Variants in CLEC12A observed in about 807,000 individuals in gnomAD.
CLEC12A encodes C-type lectin domain family 12 member A, also known as C-type lectin protein CLL-1.
A neutral mutation model predicts 26.5 loss-of-function variants in CLEC12A; 22 were observed. That is an observed-to-expected ratio of 0.83 (90% confidence interval 0.59 to 1.19). The LOEUF (loss-of-function observed/expected upper bound fraction) is 1.19, where lower values mean the gene tolerates loss of function less well. Among genes scored for constraint, CLEC12A ranks in the 50% most tolerant of loss-of-function variants. The pLI is 0.00. For synonymous variants in CLEC12A, 119 were observed against 101.9 expected, an observed-to-expected ratio of 1.17 and a Z score of -1.01; for missense variants, 353 against 315.6, an observed-to-expected ratio of 1.12 and a Z score of -0.90.
At chr12:9,962,781 C>G (rs370780568) in intron 1 of CLEC12A, among the ~76,000 whole-genome samples, 2 of 152,156 alleles carry the variant, frequency 1.3e-5, no homozygotes, top group East Asian at 3.8e-4. Flanking sequence ...AACCGGCCAT[C>G]TGGATGTGTA....
At chr12:9,979,116 T>C (rs747608359) in intron 2 of CLEC12A, 52 bp downstream of exon 2, 3 of 1,436,002 alleles carry the variant, frequency 2.1e-6, no homozygotes, top group Non-Finnish European at 2.9e-6. Flanking sequence ...ATTTCAAATA[T>C]TTAGCAACAA....
intron 1 of CLEC12A, among the ~76,000 whole-genome samples, chr12:9,977,669 C>T (rs117801423): frequency 1.2e-3 from 187 of 152,238 alleles, no homozygotes; most frequent in African/African-American, 2.7e-3. Context: ...TGCACAACAT[C>T]GCCAAATTTG....
chr12:9,998,073 T>G (rs1221833664), downstream of CLEC12A, among the ~76,000 whole-genome samples: 1 of 152,150 alleles, frequency 6.6e-6, no homozygotes, highest in Non-Finnish European at 1.5e-5. Flanking sequence ...AAAATAACTT[T>G]TCATTAGTTA....
chr12:9,997,826 C>T (rs1170514169), downstream of CLEC12A, among the ~76,000 whole-genome samples: 1 of 151,954 alleles, frequency 6.6e-6, no homozygotes, highest in African/African-American at 2.4e-5. Context: ...ATGAGAATTA[C>T]AGAAAGAAGA....
chr12:10,004,241 C>G, the CLEC12A span, among the ~76,000 whole-genome samples: 327 of 152,342 alleles, frequency 2.1e-3, 1 homozygote, highest in African/African-American at 7.7e-3. Flanking sequence ...TGTTAACCAG[C>G]TCAGTGCCTC....
chr12:9,962,292 T>C (rs1391530897), intron 1 of CLEC12A, among the ~76,000 whole-genome samples: 2 of 151,694 alleles, frequency 1.3e-5, no homozygotes, highest in Non-Finnish European at 1.5e-5. Context: ...TGTGTGTTTC[T>C]TTTTGGTACC....
At chr12:9,971,118 T>C (rs1230649214), upstream of CLEC12A, among the ~76,000 whole-genome samples, 1 of 152,094 alleles carries the variant, frequency 6.6e-6, no homozygotes, top group African/African-American at 2.4e-5. Context: ...GGAATATCTA[T>C]GCCAGGCCAC....
At chr12:10,001,966 G>A in the CLEC12A span, among the ~76,000 whole-genome samples, 9,747 of 146,288 alleles carry the variant, frequency 0.067, 384 homozygotes, top group Middle Eastern at 0.096. Context: ...TGCAAGCTCC[G>A]CCTCCTGGGT....
chr12:9,995,722 G>A, downstream of CLEC12A: 1 of 204,822 alleles, frequency 4.9e-6, no homozygotes, highest in Non-Finnish European at 1.0e-5. Context: ...ATTGGATAAA[G>A]GCATTTATGA....
chr12:9,995,813 C>G (rs1387688105), downstream of CLEC12A: 1 of 184,356 alleles, frequency 5.4e-6, no homozygotes, highest in Non-Finnish European at 1.1e-5. Context: ...TTATCACTAT[C>G]TACTAAACTA....
At chr12:9,962,866 A>G (rs1304389366) in intron 1 of CLEC12A, among the ~76,000 whole-genome samples, 3 of 152,202 alleles carry the variant, frequency 2.0e-5, no homozygotes, top group Non-Finnish European at 4.4e-5. Context: ...TATATTAATA[A>G]GAAAATAAAA....
chr12:9,972,633 C>G (rs908145170), intron 1 of CLEC12A, among the ~76,000 whole-genome samples: 2 of 152,186 alleles, frequency 1.3e-5, no homozygotes, highest in Non-Finnish European at 2.9e-5. Context: ...GTTGTCCTCT[C>G]TCCTCTCCCC....
At position 9,984,859 on chromosome 12, in the gene CLEC12A, T is replaced by G; in HGVS notation, c.642-11T>G. The G allele has an allele frequency of 6.8e-7, 1 of 1,463,040 alleles. No individual in the cohort carries two copies. The highest frequency in any genetic ancestry group is 1.6e-5 in the South Asian group (1 of 64,276). 90.6% of individuals were successfully genotyped at this position (1,463,040 alleles called of 1,614,324 possible). Reference sequence around the variant, plus strand: ...GACTTGCCAAGTGTAATTCTTTACTTTCTCTTTCAGGGTTATAAGAAACGC... The same window carrying G: ...GACTTGCCAAGTGTAATTCTTTACTGTCTCTTTCAGGGTTATAAGAAACGC... On this transcript the variant is annotated splice_polypyrimidine_tract_variant and intron_variant, in intron 5 of 5. Coordinates refer to ENST00000304361, the MANE Select transcript of CLEC12A (RefSeq NM_138337.6).
downstream of CLEC12A, among the ~76,000 whole-genome samples, chr12:9,987,351 A>G (rs935899323): frequency 6.6e-6 from 1 of 152,162 alleles, no homozygotes; most frequent in African/African-American, 2.4e-5. Flanking sequence ...TTAAAATTCC[A>G]TAGCAAGGCA....
chr12:9,953,040 G>C, intron 1 of CLEC12A: 1 of 139,138 alleles, frequency 7.2e-6, no homozygotes, highest in African/African-American at 3.0e-5. Flanking sequence ...TCTGGGAAGT[G>C]AGGAGCGTCT....
At chr12:9,998,900 T>A (rs1412254416), downstream of CLEC12A, 1 of 558,008 alleles carries the variant, frequency 1.8e-6, no homozygotes, top group Non-Finnish European at 3.1e-6. Context: ...AAAACACTAC[T>A]CAAATGCTTT....
intron 1 of CLEC12A, among the ~76,000 whole-genome samples, chr12:9,952,312 A>C (rs939236246): frequency 6.7e-6 from 1 of 150,138 alleles, no homozygotes; most frequent in African/African-American, 2.4e-5. Flanking sequence ...CAGCCTGCCG[A>C]GTGCCTGCGA....
intron 4 of CLEC12A, among the ~76,000 whole-genome samples, chr12:9,994,188 C>T (rs1203870100): frequency 1.3e-5 from 2 of 151,882 alleles, no homozygotes; most frequent in Non-Finnish European, 2.9e-5. Flanking sequence ...GTTGTGGAGG[C>T]AGAGCATTCT....
intron 1 of CLEC12A, among the ~76,000 whole-genome samples, chr12:9,957,907 A>G (rs999690348): frequency 6.6e-6 from 1 of 152,214 alleles, no homozygotes; most frequent in Non-Finnish European, 1.5e-5. Flanking sequence ...CATCTGTAAT[A>G]GCTAAAATTA....
Sources: gnomAD v4.1 joint callset for allele counts (sites outside exome capture counted in the v4.1 genomes callset) on GRCh38, gnomAD v4.1.1 for gene constraint, MANE v1.5 for transcripts, NCBI Gene and HGNC (gene_info 2026-07-23, HGNC 2026-07-21) for gene names.